CCDC171: variants seen among roughly 807,000 people sequenced by gnomAD.
CCDC171 encodes coiled-coil domain-containing protein 171.
In CCDC171, 177 loss-of-function variants were observed where a neutral mutation model predicts 168.2. The ratio of observed to expected loss-of-function variants is 1.05; its 90% CI spans 0.93 to 1.19. The LOEUF (loss-of-function observed/expected upper bound fraction) is 1.19. Among genes scored for constraint, CCDC171 ranks in the 50% most tolerant of loss-of-function variants. CCDC171 has a pLI of 0.00. For missense variants in CCDC171, 1,991 were observed against 1,539.0 expected (o/e 1.29, Z -4.91); for synonymous variants, 687 against 540.8 (o/e 1.27, Z -3.75).
intron 24 of CCDC171, among the ~76,000 whole-genome samples, chr9:15,916,413 C>CTTT (rs1554680629): frequency 2.0e-4 from 3 of 14,964 alleles, no homozygotes; most frequent in South Asian, 4.7e-3. Context: ...AATATATTTA[C>CTTT]GTAAGATATA....
chr9:16,021,307 C>G (rs954631310), intron 4 of CCDC171, among the ~76,000 whole-genome samples: 2 of 152,140 alleles, frequency 1.3e-5, no homozygotes, highest in African/African-American at 4.8e-5. Context: ...AGGATGGTCT[C>G]AATCTCTTGA....
chr9:16,095,516 T>TC, the CCDC171 span, among the ~76,000 whole-genome samples: 11 of 151,526 alleles, frequency 7.3e-5, no homozygotes, highest in African/African-American at 2.7e-4. Context: ...TCTGTCTCTC[T>TC]TCTCTCTCAC....
At chr9:15,602,499 A>G (rs756387620) in intron 6 of CCDC171, among the ~76,000 whole-genome samples, 17 of 152,112 alleles carry the variant, frequency 1.1e-4, no homozygotes, top group Non-Finnish European at 2.1e-4. Context: ...TCTCAATTTT[A>G]TGCCATATTC....
At chr9:15,845,845 C>T (rs1274049421) in intron 21 of CCDC171, 1 of 151,998 alleles carries the variant, frequency 6.6e-6, no homozygotes, top group East Asian at 1.9e-4. Context: ...ATTTTGTATC[C>T]TAGAATTTTA....
chr9:15,627,181 G>C (rs534988474), intron 7 of CCDC171, among the ~76,000 whole-genome samples: 1 of 151,646 alleles, frequency 6.6e-6, no homozygotes, highest in South Asian at 2.1e-4. Flanking sequence ...ATCATTTTTT[G>C]TTGCGCCTAT....
chr9:15,881,249 A>G (rs962966493), intron 24 of CCDC171, among the ~76,000 whole-genome samples: 10 of 152,206 alleles, frequency 6.6e-5, no homozygotes, highest in African/African-American at 2.4e-4. Context: ...GCCCTAAGCA[A>G]TGCTAAACAA....
chr9:15,842,143 A>G (rs943905292), intron 21 of CCDC171, among the ~76,000 whole-genome samples: 3 of 151,904 alleles, frequency 2.0e-5, no homozygotes, highest in Admixed American at 1.3e-4. Context: ...TTCATTTTGT[A>G]TGACTAACTT....
the CCDC171 span, among the ~76,000 whole-genome samples, chr9:16,072,049 T>C: frequency 6.6e-6 from 1 of 152,236 alleles, no homozygotes; most frequent in Non-Finnish European, 1.5e-5. Flanking sequence ...GCAAGAATTC[T>C]TGGAGTGTGG....
chr9:15,846,553 T>G (rs2060902313), intron 21 of CCDC171, 149 bp from the exon 22 acceptor site: 2 of 634,142 alleles, frequency 3.2e-6, no homozygotes, highest in East Asian at 5.6e-5. Context: ...TATATAAAAT[T>G]TTTGCAGAAA....
chr9:16,088,125 A>G, the CCDC171 span, among the ~76,000 whole-genome samples: 2 of 152,216 alleles, frequency 1.3e-5, no homozygotes, highest in Non-Finnish European at 2.9e-5. Flanking sequence ...CAAAAACCAC[A>G]TGATTATCTC....
At chr9:15,721,321 C>G (rs1483709649) in intron 11 of CCDC171, among the ~76,000 whole-genome samples, 1 of 151,922 alleles carries the variant, frequency 6.6e-6, no homozygotes, top group Non-Finnish European at 1.5e-5. Flanking sequence ...AAAGGCCTGA[C>G]TAGTCAGAAA....
intron 23 of CCDC171, among the ~76,000 whole-genome samples, chr9:15,853,193 G>A (rs567383798): frequency 6.6e-6 from 1 of 151,656 alleles, no homozygotes; most frequent in East Asian, 1.9e-4. Context: ...AAAATATTAA[G>A]TCTTGCAATT....
At chr9:15,573,399 A>G (rs138616034) in intron 3 of CCDC171, among the ~76,000 whole-genome samples, 3,834 of 152,126 alleles carry the variant, frequency 0.025, 159 homozygotes, top group African/African-American at 0.088. Context: ...CACTTGCCTC[A>G]GCCTCCCCAG....
chr9:16,085,187 C>G, the CCDC171 span, among the ~76,000 whole-genome samples: 316 of 152,314 alleles, frequency 2.1e-3, 1 homozygote, highest in African/African-American at 7.5e-3. Flanking sequence ...TATCGACACT[C>G]CATCCATAAA....
intron 21 of CCDC171, among the ~76,000 whole-genome samples, chr9:15,799,135 C>CATATATATATATATATATATAT (rs57651824): frequency 1.3e-4 from 14 of 109,020 alleles, no homozygotes; most frequent in East Asian, 3.3e-4. Flanking sequence ...TCATCATTGC[C>CATATATATATATATATATATAT]ATATATATAT....
At position 15,817,569 on chromosome 9, in the gene CCDC171, T is replaced by C. The variant is rs1054477145; in HGVS notation, c.3268-29133T>C. Among the ~76,000 whole-genome samples the C allele has an allele frequency of 1.1e-4, 13 of 117,628 alleles. 2 individuals carry two copies. The highest frequency in any genetic ancestry group is 4.1e-4 in the African/African-American group (13 of 31,356). 77.2% of individuals were successfully genotyped at this position (117,628 alleles called of 152,430 possible). ...TATATCCAGCACCTGGCTTGGAGGGTCCTACGCCCACGGAGCCTCGCTCAT... is the reference window on the plus strand; with the variant it reads ...TATATCCAGCACCTGGCTTGGAGGGCCCTACGCCCACGGAGCCTCGCTCAT... On this transcript the variant is annotated intron_variant, in intron 21 of 25. Coordinates refer to ENST00000380701, the MANE Select transcript of CCDC171 (RefSeq NM_173550.4).
At chr9:15,965,147 C>G (rs1050940868) in intron 25 of CCDC171, among the ~76,000 whole-genome samples, 1 of 152,148 alleles carries the variant, frequency 6.6e-6, no homozygotes, top group Non-Finnish European at 1.5e-5. Context: ...GATGAAAGGG[C>G]TATAACTTTC....
intron 10 of CCDC171, among the ~76,000 whole-genome samples, chr9:15,679,967 G>C (rs921650951): frequency 6.6e-6 from 1 of 152,020 alleles, no homozygotes; most frequent in African/African-American, 2.4e-5. Flanking sequence ...GTGATGCCCA[G>C]CTCTGATATC....
intron 13 of CCDC171, among the ~76,000 whole-genome samples, chr9:15,724,180 T>G (rs888556097): frequency 1.6e-4 from 24 of 152,202 alleles, no homozygotes; most frequent in African/African-American, 4.6e-4. Flanking sequence ...CCCAGGACTA[T>G]AGTTTATTTT....
Sources: allele counts gnomAD v4.1 joint callset (sites outside exome capture counted in the v4.1 genomes callset), GRCh38; gene constraint gnomAD v4.1.1; transcripts MANE v1.5; gene names NCBI Gene and HGNC (gene_info 2026-07-23, HGNC 2026-07-21).